Variants in FGF12 observed in about 807,000 individuals in gnomAD.
The protein encoded by FGF12 is fibroblast growth factor 12, also known as fibroblast growth factor 12B.
A neutral mutation model predicts 23.6 loss-of-function variants in FGF12; 14 were observed. The observed-to-expected ratio is 0.59, with a 90% CI of 0.39 to 0.93. FGF12 has a LOEUF of 0.93. Ranked by LOEUF, FGF12 falls within the 40% of genes least tolerant of loss-of-function variation. The pLI is 0.00. For synonymous variants in FGF12, 62 were observed against 77.3 expected (o/e 0.80, Z 1.04); for missense variants, 175 against 217.8 (o/e 0.80, Z 1.24).
chr3:192,435,741 C>A (rs1005789361), intron 2 of FGF12, among the ~76,000 whole-genome samples: 1 of 152,138 alleles, frequency 6.6e-6, no homozygotes, highest in African/African-American at 2.4e-5. Context: ...AAGCCTAAAT[C>A]AAAATAAGCA....
At chr3:192,638,953 C>A (rs1421197221) in intron 2 of FGF12, among the ~76,000 whole-genome samples, 1 of 152,178 alleles carries the variant, frequency 6.6e-6, no homozygotes, top group Non-Finnish European at 1.5e-5. Flanking sequence ...TCACTTCTGG[C>A]TTTCCCTGCA....
chr3:192,450,545 A>T (rs2108801443), intron 2 of FGF12, among the ~76,000 whole-genome samples: 1 of 152,352 alleles, frequency 6.6e-6, no homozygotes. Flanking sequence ...AATTACAATG[A>T]CCACAGTGTT....
chr3:192,285,829 T>C (rs1219839711), intron 4 of FGF12, among the ~76,000 whole-genome samples: 3 of 152,018 alleles, frequency 2.0e-5, no homozygotes, highest in African/African-American at 7.2e-5. Context: ...TTGTTTTTGG[T>C]GGAAATAACC....
At chr3:192,459,434 C>G (rs1466627457) in intron 2 of FGF12, among the ~76,000 whole-genome samples, 1 of 152,208 alleles carries the variant, frequency 6.6e-6, no homozygotes, top group Non-Finnish European at 1.5e-5. Context: ...AATTGTTTAA[C>G]TCGCATTTGT....
chr3:192,502,333 G>C (rs1003863403), intron 2 of FGF12, among the ~76,000 whole-genome samples: 19 of 152,174 alleles, frequency 1.2e-4, no homozygotes, highest in African/African-American at 4.3e-4. Context: ...CTCTGCATTT[G>C]GCTGCCCTGT....
At position 192,377,959 on chromosome 3, in the gene FGF12, A is replaced by C. The variant is rs905511632; in HGVS notation, c.14-17421T>G. On this transcript the variant is annotated intron_variant, in intron 2 of 5. Transcript: ENST00000445105. Reference sequence around the variant, plus strand: ...AGAAAAATAGAACCCTAGTGCAGGAAAAAATGTCTTTTCTGGTATTACGCA... The same window carrying C: ...AGAAAAATAGAACCCTAGTGCAGGACAAAATGTCTTTTCTGGTATTACGCA... Among the ~76,000 whole-genome samples, 8 of 151,310 alleles carry C rather than the reference A, an allele frequency of 5.3e-5. 1 individual carries two copies. The highest frequency in any genetic ancestry group is 2.0e-4 in the African/African-American group (8 of 40,572).
At chr3:192,258,154 A>G (rs1248411331) in intron 4 of FGF12, among the ~76,000 whole-genome samples, 1 of 152,146 alleles carries the variant, frequency 6.6e-6, no homozygotes. Flanking sequence ...AGACACGACA[A>G]TAAATATAAT....
chr3:192,358,097 A>C (rs978446746), intron 3 of FGF12, among the ~76,000 whole-genome samples: 1 of 150,302 alleles, frequency 6.7e-6, no homozygotes, highest in African/African-American at 2.4e-5. Context: ...TAATGTTCTA[A>C]CTTATAAAAT....
chr3:192,709,049 T>C (rs1163779697), intron 2 of FGF12, among the ~76,000 whole-genome samples: 1 of 152,234 alleles, frequency 6.6e-6, no homozygotes, highest in Non-Finnish European at 1.5e-5. Context: ...GACAACATTG[T>C]CTGCCTCTCC....
chr3:192,366,565 A>G (rs1039404737), intron 2 of FGF12, among the ~76,000 whole-genome samples: 1 of 151,878 alleles, frequency 6.6e-6, no homozygotes, highest in Non-Finnish European at 1.5e-5. Context: ...CTCTTTTCTC[A>G]TTTTTCATTT....
intron 4 of FGF12, among the ~76,000 whole-genome samples, chr3:192,334,824 C>T (rs761297344): frequency 4.6e-5 from 7 of 152,098 alleles, no homozygotes; most frequent in African/African-American, 7.2e-5. Context: ...TATCCTTGCT[C>T]GTAATCCAGA....
intron 4 of FGF12, among the ~76,000 whole-genome samples, chr3:192,305,807 T>C (rs1715609349): frequency 6.7e-6 from 1 of 149,482 alleles, no homozygotes; most frequent in Admixed American, 6.7e-5. Flanking sequence ...AGAAACTTTC[T>C]ATTTTTCTAA....
chr3:192,542,553 G>A (rs984363066), intron 2 of FGF12, among the ~76,000 whole-genome samples: 6 of 152,056 alleles, frequency 3.9e-5, no homozygotes, highest in African/African-American at 7.2e-5. Flanking sequence ...TAATCTTGAT[G>A]CTTGTGGATG....
At chr3:192,467,809 T>G (rs1273800037) in intron 2 of FGF12, among the ~76,000 whole-genome samples, 1 of 152,186 alleles carries the variant, frequency 6.6e-6, no homozygotes, top group Non-Finnish European at 1.5e-5. Context: ...GACTCCCAGG[T>G]CAATGTCCTA....
In FGF12 at chr3:192,566,186, G is replaced by C. The variant is rs76407414; in HGVS notation, c.13+160995C>G. Among the ~76,000 whole-genome samples the C allele has an allele frequency of 3.1e-3, 465 of 152,334 alleles. 5 individuals are homozygous for C. The highest frequency in any genetic ancestry group is 0.011 in the African/African-American group (460 of 41,574). On this transcript the variant is annotated intron_variant, in intron 2 of 5. Coordinates refer to ENST00000445105, the MANE Select transcript of FGF12 (RefSeq NM_004113.6). ...GAAATAAAGAGCATTTAAGTAACTT[G>C]CCTCCGGTTACCAAATCGCTCTACT...
chr3:192,540,164 A>AT (rs1408011983), intron 2 of FGF12, among the ~76,000 whole-genome samples: 1 of 151,370 alleles, frequency 6.6e-6, no homozygotes, highest in Non-Finnish European at 1.5e-5. Flanking sequence ...AAACTTTATT[A>AT]TTTTTTCTCT....
chr3:192,711,259 G>A (rs145402919), intron 2 of FGF12, among the ~76,000 whole-genome samples: 4 of 145,506 alleles, frequency 2.7e-5, no homozygotes, highest in Non-Finnish European at 4.5e-5. Context: ...GCCCCTGCCC[G>A]GCCAGCCGCC....
chr3:192,726,102 C>A (rs906725539), intron 2 of FGF12, among the ~76,000 whole-genome samples: 1 of 152,212 alleles, frequency 6.6e-6, no homozygotes, highest in African/African-American at 2.4e-5. Context: ...GAACTGCTAT[C>A]ATTCAACACT....
chr3:192,653,774 G>C (rs549565687), intron 2 of FGF12, among the ~76,000 whole-genome samples: 1 of 148,654 alleles, frequency 6.7e-6, no homozygotes, highest in African/African-American at 2.5e-5. Flanking sequence ...GAGTGCAGTG[G>C]CGCTATCTCA....
Sources: allele counts gnomAD v4.1 joint callset (sites outside exome capture counted in the v4.1 genomes callset), GRCh38; gene constraint gnomAD v4.1.1; transcripts MANE v1.5; gene names NCBI Gene and HGNC (gene_info 2026-07-23, HGNC 2026-07-21).